The following MAP3K21 variants were observed in gnomAD, a reference collection of about 807,000 sequenced individuals.
MAP3K21 encodes the protein mitogen-activated protein kinase kinase kinase MLK4.
In MAP3K21, 63 loss-of-function variants were observed where a neutral mutation model predicts 86.1. That is an observed-to-expected ratio of 0.73 (90% CI 0.60 to 0.90). MAP3K21 has a LOEUF of 0.90. Among genes scored for constraint, MAP3K21 ranks in the 40% least tolerant of loss-of-function variants. MAP3K21 has a pLI of 0.00. For synonymous variants in MAP3K21, 558 were observed against 564.8 expected (o/e 0.99, Z 0.17); for missense variants, 1,220 against 1,367.7 (o/e 0.89, Z 1.70).
chr1:233,382,501 G>C lies in MAP3K21; in HGVS notation c.2901G>C (p.Gln967His). 6.2e-7 allele frequency: 1 copy of C among 1,614,182 alleles called. No individual in the cohort carries two copies. Among genetic ancestry groups the C allele is most frequent in the Non-Finnish European group, 8.5e-7 (1 of 1,180,038 alleles). ...PQAYPQTAVS[Q>H]LAQTACVVGR... is the part of the protein sequence containing the mutation. ...CTTACCCACAGACAGCAGTGTCTCA[G>C]CTGGCACAGACTGCCTGTGTAGTGG... Residue 967 changes from glutamine to histidine, a missense_variant, in exon 10 of 10, where the codon CAG becomes CAC. Gln to His is a conservative substitution (Grantham distance 24). Transcript: ENST00000366624.
chr1:233,328,540 A>AGGCTC lies in MAP3K21; in HGVS notation c.518_522dup (p.Phe175GlyfsTer72). 1.3e-6 allele frequency: 2 copies of AGGCTC among 1,533,316 alleles called. No individual in the cohort carries two copies. Among genetic ancestry groups the AGGCTC allele is most frequent in the South Asian group, 1.2e-5 (1 of 83,814 alleles). 95.0% of individuals were successfully genotyped at this position (1,533,316 alleles called of 1,614,324 possible). On this transcript the variant is annotated frameshift_variant, in exon 1 of 10. Transcript: ENST00000366624. LOFTEE classifies it high-confidence loss of function. This position sits in a 1 kb window ranked among gnomAD's most constrained non-coding sequence, Gnocchi z 8.7. ...GCGGCTGCCGAGAGCGTGCGGCGCG[A>AGGCTC]GGCTCGGCTCTTCGCCATGCTGCGG...
chr1:233,339,264 C>G (rs1196667175), intron 1 of MAP3K21, among the ~76,000 whole-genome samples: 34 of 34,210 alleles, frequency 9.9e-4, no homozygotes, highest in Non-Finnish European at 1.3e-3. Context: ...TCTTCTTCTT[C>G]TTCCTCTTCT....
intron 2 of MAP3K21, among the ~76,000 whole-genome samples, chr1:233,350,932 A>G (rs1663239782): frequency 6.6e-6 from 1 of 152,210 alleles, no homozygotes; most frequent in South Asian, 2.1e-4. Context: ...ATTTCTTTTC[A>G]CATTGGTTTT....
chr1:233,332,532 A>T (rs1662827192), intron 1 of MAP3K21, among the ~76,000 whole-genome samples: 1 of 152,156 alleles, frequency 6.6e-6, no homozygotes, highest in Non-Finnish European at 1.5e-5. Flanking sequence ...ACTTGGAGTG[A>T]TGGTGCTGGC....
chr1:233,335,645 A>G (rs896650149), intron 1 of MAP3K21, among the ~76,000 whole-genome samples: 5 of 152,072 alleles, frequency 3.3e-5, no homozygotes, highest in African/African-American at 1.2e-4. Flanking sequence ...CTTGTGTTTT[A>G]TTGTCTCCGT....
chr1:233,370,312 A>G (rs1663658903), intron 5 of MAP3K21, among the ~76,000 whole-genome samples: 2 of 152,228 alleles, frequency 1.3e-5, no homozygotes, highest in South Asian at 4.1e-4. Context: ...TGAGACTTCA[A>G]GACCTTAAGT....
rs1007315954 is a variant in MAP3K21, at chr1:233,346,629, C to T, written c.986+7C>T. ...AGGGAAGCGACATCTGGAGGTGAGC[C>T]TTTCCTTTTGCAAACATCGGCAGAA... On this transcript the variant is annotated splice_region_variant and intron_variant, in intron 2 of 9. Coordinates refer to ENST00000366624, the MANE Select transcript of MAP3K21 (RefSeq NM_032435.3). 1.2e-6 allele frequency: 2 copies of T among 1,612,190 alleles called. No homozygotes were observed. Among genetic ancestry groups the T allele is most frequent in the South Asian group, 2.2e-5 (2 of 90,822 alleles).
rs193115778 is a variant in MAP3K21 at position 233,332,069 on chromosome 1, G to A, written c.805+3236G>A. ...ACTGTGAAAATCGCCAGTGTTATGC[G>A]CATTTACAGAAGAGAGAAACATTGT... is the stretch of plus-strand genomic sequence containing the variant. On this transcript the variant is annotated intron_variant, in intron 1 of 9. Transcript: ENST00000366624. Among the ~76,000 whole-genome samples, 422 of 152,128 alleles carry A rather than the reference G, an allele frequency of 2.8e-3. 7 individuals carry two copies. The highest frequency in any genetic ancestry group is 0.02 in the Middle Eastern group (6 of 294).
chr1:233,328,152 C>T lies in MAP3K21; in HGVS notation c.124C>T (p.Leu42=), dbSNP rs996928008. 137 of 1,450,826 alleles carry T rather than the reference C, an allele frequency of 9.4e-5. No individual in the cohort carries two copies. Among genetic ancestry groups the T allele is most frequent in the Middle Eastern group, 7.2e-4 (3 of 4,160 alleles). The allele number at this position is 1,450,826 out of a possible 1,614,324, so 89.9% of individuals were successfully genotyped here. The change falls in exon 1 of 10, where the codon CTG becomes TTG. Residue 42 remains leucine, a synonymous_variant. Coordinates refer to ENST00000366624, the MANE Select transcript of MAP3K21 (RefSeq NM_032435.3). The surrounding 1 kb of genome is among the most constrained non-coding windows in gnomAD (Gnocchi z 8.7). ...SGGSASAGAG[L]WAALYDYEAR... ...CGGCTCGGCCTCGGCGGGCGCGGGG[C>T]TGTGGGCCGCGCTCTATGACTACGA...
At chr1:233,363,851 C>CAAAAAAAAAAAAA (rs71793740) in intron 5 of MAP3K21, among the ~76,000 whole-genome samples, 2 of 128,706 alleles carry the variant, frequency 1.6e-5, no homozygotes, top group Admixed American at 8.0e-5. Context: ...TACTAAAATA[C>CAAAAAAAAAAAAA]AAAAAAAAAA....
Position 233,379,089 on chromosome 1 carries a change from G to T in MAP3K21, c.2083G>T (p.Ala695Ser). Residue 695 changes from alanine to serine, a missense_variant, in exon 9 of 10, where the codon GCG becomes TCG. Ala to Ser is a moderately conservative substitution (Grantham distance 99, BLOSUM62 1). Around this residue, in one of 5 missense-constraint regions of MAP3K21, gnomAD observed 632 missense variants for 691.3 expected, o/e 0.91. Coordinates refer to ENST00000366624, the MANE Select transcript of MAP3K21 (RefSeq NM_032435.3). ...EAESWEEAAS[A>S]NAATVSIEMT... ...TGAAAGCTGGGAGGAGGCAGCCTCT[G>T]CGAATGCTGCCACAGTCTCCATTGA... 6.2e-7 allele frequency: 1 copy of T among 1,614,232 alleles called. No homozygotes were observed. The highest frequency in any genetic ancestry group is 8.5e-7 in the Non-Finnish European group (1 of 1,180,036).
chr1:233,346,284 G>A (rs570291517), intron 1 of MAP3K21, among the ~76,000 whole-genome samples, 158 bp from the exon 2 acceptor site: 5 of 152,118 alleles, frequency 3.3e-5, no homozygotes, highest in Non-Finnish European at 2.9e-5. Context: ...ACCCACTAAA[G>A]ACTACAAAAT....
intron 8 of MAP3K21, among the ~76,000 whole-genome samples, chr1:233,377,584 G>A (rs1260640003): frequency 6.6e-6 from 1 of 152,190 alleles, no homozygotes; most frequent in Non-Finnish European, 1.5e-5. Flanking sequence ...GAGAAAGAAA[G>A]CTGGCACCCC....
At position 233,379,136 on chromosome 1, in the gene MAP3K21, G is replaced by A. The variant is rs771008507; in HGVS notation, c.2130G>A (p.Leu710=). 6.8e-6 allele frequency: 11 copies of A among 1,614,112 alleles called. No individual in the cohort carries two copies. In the East Asian group the frequency reaches 1.1e-4, roughly 16 times the overall value. Residue 710 remains leucine (L), a synonymous_variant, in exon 9 of 10, where the codon CTG becomes CTA. Coordinates refer to ENST00000366624, the MANE Select transcript of MAP3K21 (RefSeq NM_032435.3). ...TTGAGATGACTCCTACGAATAGTCT[G>A]AGTAGATCCCCCCAGAGAAAGAAAA... ...VSIEMTPTNS[L]SRSPQRKKTE...
chr1:233,339,195 TTTC>T (rs71173272), intron 1 of MAP3K21, among the ~76,000 whole-genome samples: 2,461 of 115,476 alleles, frequency 0.021, 127 homozygotes, highest in African/African-American at 0.026. Flanking sequence ...AAAACAATCA[TTTC>T]TTCTTCTTCT....
At chr1:233,345,783 G>T (rs1286244062) in intron 1 of MAP3K21, among the ~76,000 whole-genome samples, 1 of 151,634 alleles carries the variant, frequency 6.6e-6, no homozygotes, top group Non-Finnish European at 1.5e-5. Flanking sequence ...TGTTGTAGTT[G>T]CAGAGCTACA....
chr1:233,367,797 T>C (rs1313897281), intron 5 of MAP3K21, among the ~76,000 whole-genome samples: 1 of 149,810 alleles, frequency 6.7e-6, no homozygotes, highest in Non-Finnish European at 1.5e-5. Context: ...GAGGCAAGGT[T>C]GCAGTGAGCT....
intron 2 of MAP3K21, among the ~76,000 whole-genome samples, chr1:233,349,044 T>C (rs1663199835): frequency 6.6e-6 from 1 of 152,206 alleles, no homozygotes; most frequent in Non-Finnish European, 1.5e-5. Flanking sequence ...TTGTTCTACT[T>C]AAAGCTTCTA....
chr1:233,382,329 C>T lies in MAP3K21; in HGVS notation c.2729C>T (p.Thr910Ile), dbSNP rs867580358. The part of the protein sequence containing the change: ...TPTGATIISA[T>I]GASALPLCPS... The stretch of plus-strand genomic sequence containing the variant: ...GCTGGTGCAACTATTATCTCAGCCA[C>T]TGGAGCCTCTGCACTGCCACTCTGC... The change falls in exon 10 of 10, where the codon ACT (threonine) becomes ATT (isoleucine). Residue 910 changes from threonine to isoleucine, a missense_variant. Thr to Ile is a moderately conservative substitution (Grantham distance 89). Around this residue, in one of 5 missense-constraint regions of MAP3K21, gnomAD observed 632 missense variants for 691.3 expected, o/e 0.91. Transcript: ENST00000366624. 6 of 1,613,762 alleles carry T rather than the reference C, an allele frequency of 3.7e-6. No homozygotes were observed. The Middle Eastern group carries it at 8.2e-4, about 222-fold the overall frequency.
Sources: allele counts gnomAD v4.1 joint callset (sites outside exome capture counted in the v4.1 genomes callset), GRCh38; gene constraint gnomAD v4.1.1; regional missense constraint gnomAD v4.1.1; non-coding constraint Gnocchi (gnomAD v3.1); transcripts MANE v1.5; gene names NCBI Gene and HGNC (gene_info 2026-07-23, HGNC 2026-07-21).